Variants in CLEC16A observed in about 807,000 individuals in gnomAD.
CLEC16A encodes C-type lectin domain containing 16A.
In CLEC16A, 51 loss-of-function variants were observed where a neutral mutation model predicts 109.5. The ratio of observed to expected loss-of-function variants is 0.47; its 90% CI spans 0.37 to 0.59. The LOEUF is 0.59. Ranked by LOEUF, CLEC16A falls within the 20% of genes least tolerant of loss-of-function variation. The pLI is 0.00. For synonymous variants in CLEC16A, 673 were observed against 564.2 expected (o/e 1.19, Z -2.73); for missense variants, 1,339 against 1,394.0 (o/e 0.96, Z 0.63).
chr16:11,004,617 TC>T (rs2044878995), intron 11 of CLEC16A, among the ~76,000 whole-genome samples: 1 of 152,118 alleles, frequency 6.6e-6, no homozygotes, highest in Non-Finnish European at 1.5e-5. Context: ...GACTGGGAGC[TC>T]ATTTGCTTTT....
chr16:11,131,722 C>T (rs1469559625), intron 22 of CLEC16A, among the ~76,000 whole-genome samples: 4 of 152,210 alleles, frequency 2.6e-5, no homozygotes, highest in Non-Finnish European at 4.4e-5. Context: ...CTGCTCTCTC[C>T]TTAAAACCCA....
At chr16:11,108,223 C>T (rs890375895) in intron 19 of CLEC16A, among the ~76,000 whole-genome samples, 4 of 152,246 alleles carry the variant, frequency 2.6e-5, no homozygotes, top group African/African-American at 4.8e-5. Context: ...GCCCAAGGGG[C>T]GGACACCCAG....
At chr16:11,163,755 A>G (rs954573977) in intron 22 of CLEC16A, among the ~76,000 whole-genome samples, 1 of 152,188 alleles carries the variant, frequency 6.6e-6, no homozygotes, top group South Asian at 2.1e-4. Flanking sequence ...CGGCTATGTC[A>G]TTGATCCCTT....
chr16:10,965,139 G>C (rs925163448), intron 3 of CLEC16A, among the ~76,000 whole-genome samples: 1 of 152,166 alleles, frequency 6.6e-6, no homozygotes, highest in African/African-American at 2.4e-5. Context: ...TGCAGTATGC[G>C]TGGCTTTTCT....
chr16:11,131,120 G>A (rs1273167546), intron 22 of CLEC16A, among the ~76,000 whole-genome samples: 5 of 152,132 alleles, frequency 3.3e-5, no homozygotes, highest in South Asian at 2.1e-4. Flanking sequence ...GGGATTGTGC[G>A]TGCGCCTGGC....
In CLEC16A at chr16:11,031,018, A is replaced by T. The variant is rs960368217; in HGVS notation, c.1537+6097A>T. 2.0e-5 allele frequency among the ~76,000 whole-genome samples: 3 copies of T among 152,148 alleles called. No individual in the cohort carries two copies. The East Asian group carries it at 5.8e-4, about 29-fold the overall frequency. On this transcript the variant is annotated intron_variant, in intron 13 of 23. Coordinates refer to ENST00000409790, the MANE Select transcript of CLEC16A (RefSeq NM_015226.3). ...CATAACAACATCTTGGGAAGACCAG[A>T]TGTTTTTTAATCTCCATGAGGTTCC...
intron 22 of CLEC16A, among the ~76,000 whole-genome samples, chr16:11,143,820 C>T (rs1332589427): frequency 1.3e-5 from 2 of 152,200 alleles, no homozygotes; most frequent in Non-Finnish European, 2.9e-5. Context: ...TTGAGGTTTT[C>T]TGAGGCTCAG....
At chr16:11,021,399 T>C (rs1047934950) in intron 12 of CLEC16A, among the ~76,000 whole-genome samples, 3 of 152,186 alleles carry the variant, frequency 2.0e-5, no homozygotes. Context: ...ACACAGACGG[T>C]TGGGGACAAC....
At chr16:10,972,414 T>C in intron 5 of CLEC16A, 140 bp from the exon 6 acceptor site, 1 of 717,802 alleles carries the variant, frequency 1.4e-6, no homozygotes, top group Non-Finnish European at 2.5e-6. Flanking sequence ...CCTTCTAACC[T>C]TATCTCTCTG....
intron 22 of CLEC16A, among the ~76,000 whole-genome samples, chr16:11,129,315 T>C (rs2053037354): frequency 6.6e-6 from 1 of 152,220 alleles, no homozygotes; most frequent in Non-Finnish European, 1.5e-5. Context: ...ATAACTAACA[T>C]AGTTTTCTAT....
intron 11 of CLEC16A, among the ~76,000 whole-genome samples, chr16:11,017,591 C>G (rs1371378440): frequency 3.9e-5 from 6 of 152,180 alleles, no homozygotes; most frequent in Admixed American, 3.9e-4. Flanking sequence ...GGAAAAGTGA[C>G]TTCACAGTGG....
Position 11,178,270 on chromosome 16 carries a change from A to T in CLEC16A, c.2807-65A>T. On this transcript the variant is annotated intron_variant, in intron 23 of 23. Coordinates refer to ENST00000409790, the MANE Select transcript of CLEC16A (RefSeq NM_015226.3). The surrounding 1 kb of genome is among the most constrained non-coding windows in gnomAD (Gnocchi z 6.5). Reference sequence around the variant, plus strand: ...GGGCCGCGGTTCAGGATGGGAGCACAGGGCGCAGTGCGACGGGGTGTCTCA... The same window carrying T: ...GGGCCGCGGTTCAGGATGGGAGCACTGGGCGCAGTGCGACGGGGTGTCTCA... 7.0e-7 allele frequency: 1 copy of T among 1,427,618 alleles called. No individual in the cohort carries two copies. The highest frequency in any genetic ancestry group is 9.7e-7 in the Non-Finnish European group (1 of 1,033,856). 88.4% of individuals were successfully genotyped at this position (1,427,618 alleles called of 1,614,324 possible). A position where few individuals can be genotyped will look rare whatever the true frequency, so the allele number is the denominator to read the frequency against.
chr16:11,081,192 G>A (rs1180811223), intron 19 of CLEC16A, among the ~76,000 whole-genome samples: 4 of 152,210 alleles, frequency 2.6e-5, no homozygotes, highest in Admixed American at 1.3e-4. Context: ...TTGCAGCCCC[G>A]GTGCAGGGTG....
intron 22 of CLEC16A, among the ~76,000 whole-genome samples, chr16:11,165,319 C>A (rs1165699915): frequency 6.6e-6 from 1 of 151,414 alleles, no homozygotes; most frequent in Non-Finnish European, 1.5e-5. Flanking sequence ...AGTGGGACCC[C>A]CATCTCTACC....
intron 10 of CLEC16A, among the ~76,000 whole-genome samples, chr16:10,985,961 C>G (rs1427924912): frequency 2.0e-5 from 3 of 148,960 alleles, no homozygotes; most frequent in Admixed American, 6.8e-5. Flanking sequence ...CTGCCTTGGC[C>G]TCCCAAAGTG....
At chr16:11,073,662 A>G (rs550166093) in intron 19 of CLEC16A, among the ~76,000 whole-genome samples, 15 of 152,314 alleles carry the variant, frequency 9.8e-5, no homozygotes, top group Admixed American at 5.9e-4. Flanking sequence ...TCCTGGACAC[A>G]GCCTGCCTGC....
intron 19 of CLEC16A, among the ~76,000 whole-genome samples, chr16:11,068,433 T>TC (rs1359790170): frequency 6.6e-6 from 1 of 152,200 alleles, no homozygotes. Flanking sequence ...AGAGCCTGCA[T>TC]CCCCACAGGC....
intron 1 of CLEC16A, among the ~76,000 whole-genome samples, chr16:10,956,878 C>A (rs1341343719): frequency 6.6e-6 from 1 of 151,418 alleles, no homozygotes; most frequent in Non-Finnish European, 1.5e-5. Context: ...CTCACTGCAA[C>A]CTCCACCTCC....
At chr16:10,983,321 C>T (rs1036682558) in intron 10 of CLEC16A, among the ~76,000 whole-genome samples, 3 of 152,156 alleles carry the variant, frequency 2.0e-5, no homozygotes, top group Non-Finnish European at 4.4e-5. Context: ...AGAAGTTGGG[C>T]GATGAACATC....
Sources: allele counts gnomAD v4.1 joint callset (sites outside exome capture counted in the v4.1 genomes callset), GRCh38; gene constraint gnomAD v4.1.1; non-coding constraint Gnocchi (gnomAD v3.1); transcripts MANE v1.5; gene names NCBI Gene and HGNC (gene_info 2026-07-23, HGNC 2026-07-21).